MARCHF5: variants seen among roughly 807,000 people sequenced by gnomAD.
MARCHF5 encodes membrane associated ring-CH-type finger 5.
A neutral mutation model predicts 36.5 loss-of-function variants in MARCHF5; 5 were observed. The ratio of observed to expected loss-of-function variants is 0.14; its 90% confidence interval spans 0.07 to 0.29. The LOEUF (loss-of-function observed/expected upper bound fraction) is 0.29. Ranked by LOEUF, MARCHF5 falls within the 10% of genes least tolerant of loss-of-function variation. The pLI is 1.00. For missense variants in MARCHF5, 179 were observed against 336.3 expected, an observed-to-expected ratio of 0.53 and a Z score of 3.66; for synonymous variants, 103 against 109.9, an observed-to-expected ratio of 0.94 and a Z score of 0.39.
intron 2 of MARCHF5, among the ~76,000 whole-genome samples, chr10:92,329,005 T>G (rs967980540): frequency 6.6e-6 from 1 of 152,064 alleles, no homozygotes; most frequent in African/African-American, 2.4e-5. Flanking sequence ...TAGCAGAGAT[T>G]GATAATTTAT....
Position 92,311,187 on chromosome 10 carries a change from G to C in MARCHF5, c.88G>C (p.Val30Leu). ...TGAAGATGATAGAACAGCTGAATGG[G>C]TGAGACCATGCAGGTGCAGAGGATC... is the stretch of plus-strand genomic sequence containing the variant. ...TDEDDRTAEWVRPCRCRGSTK... is the reference protein window; with the variant it reads ...TDEDDRTAEWLRPCRCRGSTK... Residue 30 changes from valine (V) to leucine (L), a missense_variant, in exon 2 of 6, where the codon GTG becomes CTG. Around this residue, in one of 3 missense-constraint regions of MARCHF5, gnomAD observed 66 missense variants for 180.5 expected, o/e 0.37. Coordinates refer to ENST00000358935, the MANE Select transcript of MARCHF5 (RefSeq NM_017824.5). 2 of 1,614,140 alleles carry C rather than the reference G, an allele frequency of 1.2e-6. No homozygotes were observed.
intron 2 of MARCHF5, among the ~76,000 whole-genome samples, chr10:92,313,603 C>T (rs1426350616): frequency 1.4e-5 from 2 of 147,618 alleles, no homozygotes; most frequent in Non-Finnish European, 1.5e-5. Context: ...AGACGCCGTG[C>T]TAAAAAAAAA....
chr10:92,312,184 T>G (rs1307891840), intron 2 of MARCHF5, among the ~76,000 whole-genome samples: 1 of 152,168 alleles, frequency 6.6e-6, no homozygotes, highest in East Asian at 1.9e-4. Flanking sequence ...AAATAATTAT[T>G]ATATATATTG....
At chr10:92,340,991 A>G (rs1163048231) in intron 3 of MARCHF5, among the ~76,000 whole-genome samples, 188 bp downstream of exon 3, 1 of 152,050 alleles carries the variant, frequency 6.6e-6, no homozygotes, top group African/African-American at 2.4e-5. Flanking sequence ...CCCTTTTTTC[A>G]TAGTGAATCT....
At chr10:92,339,181 C>A (rs1172977792) in intron 2 of MARCHF5, among the ~76,000 whole-genome samples, 9 of 151,704 alleles carry the variant, frequency 5.9e-5, no homozygotes, top group Non-Finnish European at 1.2e-4. Flanking sequence ...ACCAACCTGG[C>A]CAACAGGGTG....
intron 2 of MARCHF5, among the ~76,000 whole-genome samples, chr10:92,319,400 ATT>A (rs1295251962): frequency 1.3e-5 from 2 of 148,220 alleles, no homozygotes; most frequent in African/African-American, 5.0e-5. Flanking sequence ...GGTTCACGCC[ATT>A]CTCCTGCCTC....
intron 1 of MARCHF5, among the ~76,000 whole-genome samples, chr10:92,299,864 T>C (rs1842991718): frequency 6.6e-6 from 1 of 152,146 alleles, no homozygotes; most frequent in African/African-American, 2.4e-5. Flanking sequence ...CCTCATTTGC[T>C]CAAAACTTGT....
intron 3 of MARCHF5, among the ~76,000 whole-genome samples, chr10:92,341,472 A>G (rs1055744056): frequency 3.9e-5 from 6 of 152,112 alleles, no homozygotes; most frequent in Admixed American, 1.3e-4. Flanking sequence ...GGAAAGAAAA[A>G]CAGTGCTACA....
chr10:92,307,532 T>G (rs2135183301), intron 1 of MARCHF5, among the ~76,000 whole-genome samples: 1 of 152,134 alleles, frequency 6.6e-6, no homozygotes, highest in Admixed American at 6.5e-5. Flanking sequence ...TTGAGACTGG[T>G]CTAGGCAACA....
Position 92,349,726 on chromosome 10 carries a change from T to C in MARCHF5, c.609T>C (p.His203=), listed in dbSNP as rs769005703. ...IPAEANPLAD[H]VSATRILCGA... is the part of the protein sequence containing the mutation. ...CTGAGGCCAATCCTTTAGCAGATCA[T>C]GTCTCTGCTACTCGAATCTTGTGTG... The change falls in exon 5 of 6, where the codon CAT becomes CAC. Residue 203 remains histidine (H), a synonymous_variant. Transcript: ENST00000358935. The C allele has an allele frequency of 8.7e-6, 14 of 1,614,144 alleles. No homozygotes were observed. Among genetic ancestry groups the C allele is most frequent in the Non-Finnish European group, 1.1e-5 (13 of 1,179,960 alleles).
chr10:92,318,429 A>G (rs1326975738), intron 2 of MARCHF5, among the ~76,000 whole-genome samples: 3 of 146,748 alleles, frequency 2.0e-5, no homozygotes, highest in Admixed American at 1.4e-4. Flanking sequence ...CCTGTCTCAA[A>G]AAAAAAAAAA....
At chr10:92,347,718 T>A (rs1423031971) in intron 3 of MARCHF5, among the ~76,000 whole-genome samples, 1 of 152,174 alleles carries the variant, frequency 6.6e-6, no homozygotes, top group Non-Finnish European at 1.5e-5. Context: ...AGGAAGTTGT[T>A]AAGTTCTACC....
chr10:92,349,774 T>C lies in MARCHF5; in HGVS notation c.657T>C (p.Ile219=). Residue 219 remains isoleucine (I), a synonymous_variant, in exon 5 of 6, where the codon ATT becomes ATC. Transcript: ENST00000358935. The part of the protein sequence containing the change: ...ILCGALVFPT[I]ATIVGKLMFS... The stretch of plus-strand genomic sequence containing the variant: ...GTGGAGCCCTTGTCTTTCCTACTAT[T>C]GCTACAATAGTTGGTAAATTGATGT... The C allele has an allele frequency of 1.2e-6, 2 of 1,613,912 alleles. No individual in the cohort carries two copies. The highest frequency in any genetic ancestry group is 1.7e-6 in the Non-Finnish European group (2 of 1,179,758).
intron 2 of MARCHF5, among the ~76,000 whole-genome samples, chr10:92,312,616 A>G (rs1037799576): frequency 6.6e-6 from 1 of 152,250 alleles, no homozygotes; most frequent in Admixed American, 6.5e-5. Flanking sequence ...AAGGTTTCAT[A>G]TTTAACTGAT....
At chr10:92,302,949 T>G (rs1280258692) in intron 1 of MARCHF5, among the ~76,000 whole-genome samples, 2 of 152,198 alleles carry the variant, frequency 1.3e-5, no homozygotes, top group Non-Finnish European at 2.9e-5. Flanking sequence ...ACTCTTCTAT[T>G]CTGCTACATT....
At chr10:92,315,485 G>GGCTT (rs1843199304) in intron 2 of MARCHF5, among the ~76,000 whole-genome samples, 1 of 152,158 alleles carries the variant, frequency 6.6e-6, no homozygotes, top group South Asian at 2.1e-4. Context: ...TCATAGTGGA[G>GGCTT]GCTTTGGTTG....
intron 2 of MARCHF5, among the ~76,000 whole-genome samples, chr10:92,331,493 T>C (rs1440153906): frequency 1.3e-5 from 2 of 152,152 alleles, no homozygotes; most frequent in African/African-American, 4.8e-5. Context: ...TACTATCATA[T>C]CTTTATTAAT....
chr10:92,320,304 T>A (rs1843275525), intron 2 of MARCHF5, among the ~76,000 whole-genome samples: 1 of 151,716 alleles, frequency 6.6e-6, no homozygotes, highest in Admixed American at 6.6e-5. Flanking sequence ...GGGCCTTCCT[T>A]CCTTGGCCTC....
At chr10:92,329,462 G>T (rs1426476782) in intron 2 of MARCHF5, among the ~76,000 whole-genome samples, 1 of 152,174 alleles carries the variant, frequency 6.6e-6, no homozygotes, top group Non-Finnish European at 1.5e-5. Flanking sequence ...TTTTATGGGG[G>T]TTTTATATTT....
Sources: gnomAD v4.1 joint callset for allele counts (sites outside exome capture counted in the v4.1 genomes callset) on GRCh38, gnomAD v4.1.1 for gene constraint, gnomAD v4.1.1 regional missense constraint, MANE v1.5 for transcripts, NCBI Gene and HGNC (gene_info 2026-07-23, HGNC 2026-07-21) for gene names.